Variants in MYO9A observed in about 807,000 individuals in gnomAD.
MYO9A encodes unconventional myosin-IXa.
Under a neutral mutation model 293.3 loss-of-function variants are expected in MYO9A, and 103 were observed. The observed-to-expected ratio is 0.35, with a 90% CI of 0.30 to 0.41. The LOEUF (loss-of-function observed/expected upper bound fraction) is 0.41, where lower values mean the gene tolerates loss of function less well. Among genes scored for constraint, MYO9A ranks in the 10% least tolerant of loss-of-function variants. The pLI is 1.00. For missense variants in MYO9A, 2,685 were observed against 3,033.0 expected (o/e 0.89, Z 2.69); for synonymous variants, 1,001 against 1,035.7 (o/e 0.97, Z 0.64).
chr15:72,001,220 C>T (rs1267908883), intron 8 of MYO9A, among the ~76,000 whole-genome samples: 1 of 152,020 alleles, frequency 6.6e-6, no homozygotes, highest in Non-Finnish European at 1.5e-5. Flanking sequence ...ACATAACATT[C>T]ATAAATGTAG....
chr15:72,036,941 C>T (rs900125870), intron 2 of MYO9A, among the ~76,000 whole-genome samples: 22 of 151,858 alleles, frequency 1.4e-4, no homozygotes, highest in African/African-American at 4.8e-4. Context: ...CTATGTTGTC[C>T]AGGCTGGTCT....
rs986711370 is a variant in MYO9A, at chr15:71,826,249, C to T, written c.*331G>A. On this transcript the variant is annotated 3_prime_UTR_variant, in exon 42 of 42. Coordinates refer to ENST00000356056, the MANE Select transcript of MYO9A (RefSeq NM_006901.4). ...AGGGTCCCTCAGGACAGCAATATCCCCCCTAGTTCAACACCCACCTTTGGG... is the reference window on the plus strand; with the variant it reads ...AGGGTCCCTCAGGACAGCAATATCCTCCCTAGTTCAACACCCACCTTTGGG... 1 of 243,088 alleles carries T rather than the reference C, an allele frequency of 4.1e-6. No homozygotes were observed. The highest frequency in any genetic ancestry group is 2.3e-5 in the African/African-American group (1 of 44,400). The allele number at this position is 243,088 out of a possible 1,614,324, so 15.1% of individuals were successfully genotyped here.
chr15:72,016,096 T>A (rs955793950), intron 6 of MYO9A, among the ~76,000 whole-genome samples: 3 of 151,996 alleles, frequency 2.0e-5, no homozygotes, highest in African/African-American at 7.3e-5. Flanking sequence ...ATGTTAATAA[T>A]AATAAAAATA....
At chr15:71,857,677 GT>G (rs1203926618) in intron 34 of MYO9A, among the ~76,000 whole-genome samples, 1 of 149,778 alleles carries the variant, frequency 6.7e-6, no homozygotes, top group Non-Finnish European at 1.5e-5. Flanking sequence ...CATTATGTTT[GT>G]ATCGACAGTT....
chr15:71,987,946 C>T (rs2076446248), intron 11 of MYO9A, among the ~76,000 whole-genome samples: 1 of 152,138 alleles, frequency 6.6e-6, no homozygotes, highest in Non-Finnish European at 1.5e-5. Context: ...GAGAATCACC[C>T]ATCTTCCAAG....
chr15:72,097,767 G>T (rs1202441718), intron 1 of MYO9A, among the ~76,000 whole-genome samples: 1 of 152,022 alleles, frequency 6.6e-6, no homozygotes, highest in Non-Finnish European at 1.5e-5. Context: ...AAAATGAGCT[G>T]GGCATGGTGG....
chr15:71,996,829 A>G (rs2076711864), intron 9 of MYO9A, among the ~76,000 whole-genome samples: 1 of 151,974 alleles, frequency 6.6e-6, no homozygotes, highest in South Asian at 2.1e-4. Context: ...AAAACCCAAG[A>G]TAGCCCACAA....
intron 23 of MYO9A, 36 bp downstream of exon 23, chr15:71,901,155 T>G (rs755073006): frequency 1.3e-6 from 2 of 1,570,886 alleles, no homozygotes; most frequent in Non-Finnish European, 1.7e-6. Flanking sequence ...CCAAATAAAC[T>G]AGTCAATCTC....
intron 39 of MYO9A, chr15:71,847,291 C>A: frequency 3.2e-6 from 1 of 316,732 alleles, no homozygotes; most frequent in Non-Finnish European, 7.1e-6. Context: ...AAAAGTAGAA[C>A]CTGACTTGGG....
At chr15:71,957,626 T>C (rs1312397073) in intron 14 of MYO9A, among the ~76,000 whole-genome samples, 2 of 152,122 alleles carry the variant, frequency 1.3e-5, no homozygotes, top group Admixed American at 6.5e-5. Context: ...AGATGGTCAC[T>C]AGAACGCTTC....
At chr15:72,092,377 C>T (rs933551972) in intron 1 of MYO9A, among the ~76,000 whole-genome samples, 1 of 152,206 alleles carries the variant, frequency 6.6e-6, no homozygotes, top group African/African-American at 2.4e-5. Context: ...AAGTTATTAA[C>T]AGGAAACAGC....
rs540982806 is a variant in MYO9A at position 72,022,768 on chromosome 15, G to A, written c.999-1751C>T. 4.6e-5 allele frequency among the ~76,000 whole-genome samples: 7 copies of A among 151,926 alleles called. No individual in the cohort carries two copies. The South Asian group carries it at 6.2e-4, about 14-fold the overall frequency. ...TCCCCGTGTTGCCCAGGCTGGTCTC[G>A]AACTCGTGGGGGCTCAGGTGATCTA... is the stretch of plus-strand genomic sequence containing the variant. On this transcript the variant is annotated intron_variant, in intron 4 of 41. Transcript: ENST00000356056.
chr15:71,834,807 G>T (rs1445301084), intron 39 of MYO9A, among the ~76,000 whole-genome samples: 2 of 151,728 alleles, frequency 1.3e-5, no homozygotes, highest in African/African-American at 2.4e-5. Flanking sequence ...GATTATTATG[G>T]GTTAACTTTA....
At chr15:71,842,660 C>G (rs2055207876) in intron 39 of MYO9A, among the ~76,000 whole-genome samples, 1 of 151,930 alleles carries the variant, frequency 6.6e-6, no homozygotes, top group South Asian at 2.1e-4. Flanking sequence ...GAGATCGAGA[C>G]TATCCTGGCT....
intron 5 of MYO9A, 59 bp from the exon 6 acceptor site, chr15:72,019,154 C>A: frequency 2.2e-6 from 3 of 1,395,226 alleles, no homozygotes; most frequent in Non-Finnish European, 3.1e-6. Flanking sequence ...TTCTAATGAT[C>A]TCTTAGATGT....
At chr15:72,077,752 AATATATATAT>A (rs60977581) in intron 1 of MYO9A, among the ~76,000 whole-genome samples, 27,739 of 71,430 alleles carry the variant, frequency 0.39, 4,039 homozygotes, top group Non-Finnish European at 0.44. Flanking sequence ...AAAAAAAAAA[AATATATATAT>A]ATATATATAT....
At chr15:71,857,448 T>C (rs1479581159) in intron 34 of MYO9A, among the ~76,000 whole-genome samples, 2 of 152,170 alleles carry the variant, frequency 1.3e-5, no homozygotes, top group African/African-American at 4.8e-5. Flanking sequence ...AGAAACAGAA[T>C]ATTACCAAGC....
intron 39 of MYO9A, among the ~76,000 whole-genome samples, chr15:71,832,587 T>C (rs572248879): frequency 2.0e-5 from 3 of 152,154 alleles, no homozygotes; most frequent in Admixed American, 6.5e-5. Flanking sequence ...CCAAGCTTGA[T>C]TGTTATATAC....
At chr15:72,014,088 T>C (rs1442070151) in intron 6 of MYO9A, among the ~76,000 whole-genome samples, 2 of 152,172 alleles carry the variant, frequency 1.3e-5, no homozygotes, top group Non-Finnish European at 2.9e-5. Context: ...ATTACAAGCA[T>C]GAGACACTGT....
Sources: allele counts gnomAD v4.1 joint callset (sites outside exome capture counted in the v4.1 genomes callset), GRCh38; gene constraint gnomAD v4.1.1; transcripts MANE v1.5; gene names NCBI Gene and HGNC (gene_info 2026-07-23, HGNC 2026-07-21).